Variants in BMPR2 observed in about 807,000 individuals in gnomAD.
BMPR2 encodes the protein bone morphogenetic protein receptor type-2.
Under a neutral mutation model 100.8 loss-of-function variants are expected in BMPR2, and 29 were observed. The ratio of observed to expected loss-of-function variants is 0.29; its 90% confidence interval spans 0.21 to 0.39. BMPR2 has a LOEUF of 0.39. Ranked by LOEUF, BMPR2 falls within the 10% of genes least tolerant of loss-of-function variation. The probability of loss-of-function intolerance (pLI) is 1.00; values close to 1 mark genes in which losing one functional copy is unlikely to be tolerated. For synonymous variants in BMPR2, 382 were observed against 442.3 expected (o/e 0.86, Z 1.71); for missense variants, 1,011 against 1,274.5 (o/e 0.79, Z 3.15).
intron 10 of BMPR2, among the ~76,000 whole-genome samples, chr2:202,544,908 G>A (rs1688347882): frequency 6.6e-6 from 1 of 151,316 alleles, no homozygotes; most frequent in African/African-American, 2.4e-5. Context: ...GAGACTTCAG[G>A]TGCATACCAC....
chr2:202,560,104 A>G lies in BMPR2; in HGVS notation c.*158A>G. 2 of 944,508 alleles carry G rather than the reference A, an allele frequency of 2.1e-6. No homozygotes were observed. The highest frequency in any genetic ancestry group is 2.9e-5 in the Admixed American group (1 of 34,848). The allele number at this position is 944,508 out of a possible 1,614,324, so 58.5% of individuals were successfully genotyped here. Reference sequence around the variant, plus strand: ...TTAAATAGATTTCAGCTATGCAGAAAAATTTAGCTTATGCTTCCATATTTT... The same window carrying G: ...TTAAATAGATTTCAGCTATGCAGAAGAATTTAGCTTATGCTTCCATATTTT... On this transcript the variant is annotated 3_prime_UTR_variant, in exon 13 of 13. Coordinates refer to ENST00000374580, the MANE Select transcript of BMPR2 (RefSeq NM_001204.7).
intron 7 of BMPR2, among the ~76,000 whole-genome samples, chr2:202,525,704 A>C (rs1029313983): frequency 6.6e-6 from 1 of 152,070 alleles, no homozygotes; most frequent in Non-Finnish European, 1.5e-5. Context: ...TGCTGCCTCA[A>C]ATAATATTGG....
intron 1 of BMPR2, among the ~76,000 whole-genome samples, chr2:202,389,678 C>G (rs1015644483): frequency 6.8e-6 from 1 of 146,496 alleles, no homozygotes; most frequent in African/African-American, 2.5e-5. Context: ...GAGTTTTGCT[C>G]TTGTCCAGGC....
chr2:202,512,596 AGTTGT>A (rs1448554079), intron 3 of BMPR2, among the ~76,000 whole-genome samples: 8 of 152,158 alleles, frequency 5.3e-5, no homozygotes, highest in African/African-American at 1.7e-4. Flanking sequence ...AAACCTTCAT[AGTTGT>A]ACTTGCTCTC....
chr2:202,505,505 G>C (rs1036043060), intron 3 of BMPR2, among the ~76,000 whole-genome samples: 2 of 152,078 alleles, frequency 1.3e-5, no homozygotes, highest in African/African-American at 4.8e-5. Context: ...ACAGGTGTGA[G>C]CACTGTGCTT....
At chr2:202,547,486 A>G (rs1441122674) in intron 10 of BMPR2, among the ~76,000 whole-genome samples, 2 of 152,194 alleles carry the variant, frequency 1.3e-5, no homozygotes, top group Non-Finnish European at 2.9e-5. Context: ...ATTTTCACAT[A>G]AAAGGTGGCA....
intron 1 of BMPR2, among the ~76,000 whole-genome samples, chr2:202,395,092 C>T (rs1288043542): frequency 6.6e-6 from 1 of 151,904 alleles, no homozygotes; most frequent in African/African-American, 2.4e-5. Flanking sequence ...CCATATTGGC[C>T]AGGCTGGTCT....
intron 7 of BMPR2, among the ~76,000 whole-genome samples, chr2:202,523,140 A>G (rs1245716533): frequency 6.6e-6 from 1 of 152,224 alleles, no homozygotes; most frequent in Non-Finnish European, 1.5e-5. Context: ...AATGCTCCAT[A>G]TCACTAATCA....
At chr2:202,386,735 C>T (rs1328725762) in intron 1 of BMPR2, among the ~76,000 whole-genome samples, 2 of 151,408 alleles carry the variant, frequency 1.3e-5, no homozygotes, top group Non-Finnish European at 2.9e-5. Context: ...GGCTGGAGTA[C>T]AGTGGCGCGA....
At chr2:202,409,896 C>G (rs778405641) in intron 1 of BMPR2, among the ~76,000 whole-genome samples, 20 of 152,124 alleles carry the variant, frequency 1.3e-4, no homozygotes, top group Non-Finnish European at 2.5e-4. Context: ...ATAATAAGAC[C>G]TAGGTTCCTA....
chr2:202,393,895 G>GAGAGAGAGAGAC (rs1690605636), intron 1 of BMPR2, among the ~76,000 whole-genome samples: 1 of 97,644 alleles, frequency 1.0e-5, no homozygotes, highest in Non-Finnish European at 2.1e-5. Context: ...GAGAGAGAGA[G>GAGAGAGAGAGAC]AGAGAGAGAG....
chr2:202,413,411 A>G (rs1435589727), intron 1 of BMPR2, among the ~76,000 whole-genome samples: 1 of 152,210 alleles, frequency 6.6e-6, no homozygotes, highest in South Asian at 2.1e-4. Flanking sequence ...TCAACAAAAT[A>G]TATTAAAGTG....
At chr2:202,511,314 C>G (rs1687619539) in intron 3 of BMPR2, among the ~76,000 whole-genome samples, 1 of 152,172 alleles carries the variant, frequency 6.6e-6, no homozygotes, top group African/African-American at 2.4e-5. Flanking sequence ...TTCATCAGTT[C>G]ATGAACATTT....
At chr2:202,381,472 A>C (rs1386475636) in intron 1 of BMPR2, among the ~76,000 whole-genome samples, 1 of 152,176 alleles carries the variant, frequency 6.6e-6, no homozygotes, top group African/African-American at 2.4e-5. Context: ...GCCAAGCCCA[A>C]CCCTACCAGC....
intron 1 of BMPR2, among the ~76,000 whole-genome samples, chr2:202,429,079 CCTTT>C (rs1691450252): frequency 6.6e-6 from 1 of 152,142 alleles, no homozygotes; most frequent in Non-Finnish European, 1.5e-5. Flanking sequence ...AGAATCTATT[CCTTT>C]CTTGTTTTCC....
In BMPR2 at chr2:202,547,708, G is replaced by T. The variant is rs190524153; in HGVS notation, c.1414-5008G>T. Among the ~76,000 whole-genome samples the T allele has an allele frequency of 2.3e-3, 344 of 149,868 alleles. 1 individual carries two copies. Among genetic ancestry groups the T allele is most frequent in the African/African-American group, 8.0e-3 (323 of 40,576 alleles). On this transcript the variant is annotated intron_variant, in intron 10 of 12. Transcript: ENST00000374580. ...TGAGGCAGGAGAATCGCTTGAGCCCGGGAGGCAGAGGTTGCAGTGAACAGA... is the reference window on the plus strand; with the variant it reads ...TGAGGCAGGAGAATCGCTTGAGCCCTGGAGGCAGAGGTTGCAGTGAACAGA...
At chr2:202,548,144 A>C (rs1688408955) in intron 10 of BMPR2, among the ~76,000 whole-genome samples, 1 of 152,090 alleles carries the variant, frequency 6.6e-6, no homozygotes, top group Non-Finnish European at 1.5e-5. Flanking sequence ...TCTTTTTAAG[A>C]AATATATAGT....
chr2:202,534,395 A>G (rs1688086823), intron 9 of BMPR2, among the ~76,000 whole-genome samples: 1 of 151,922 alleles, frequency 6.6e-6, no homozygotes, highest in South Asian at 2.1e-4. Flanking sequence ...TCCTAGGCAG[A>G]GGACCCTGCG....
At chr2:202,558,033 T>A (rs866272660) in intron 12 of BMPR2, among the ~76,000 whole-genome samples, 1 of 152,068 alleles carries the variant, frequency 6.6e-6, no homozygotes, top group Non-Finnish European at 1.5e-5. Flanking sequence ...ATAAAGAAAC[T>A]GTAGGCTAGG....
Sources: allele counts gnomAD v4.1 joint callset (sites outside exome capture counted in the v4.1 genomes callset), GRCh38; gene constraint gnomAD v4.1.1; transcripts MANE v1.5; gene names NCBI Gene and HGNC (gene_info 2026-07-23, HGNC 2026-07-21).